The following ACSS1 variants were observed in gnomAD, a reference collection of about 807,000 sequenced individuals.
ACSS1 encodes acyl-CoA synthetase short chain family member 1.
A neutral mutation model predicts 75.3 loss-of-function variants in ACSS1; 42 were observed. That is an observed-to-expected ratio of 0.56 (90% CI 0.44 to 0.72). The LOEUF (loss-of-function observed/expected upper bound fraction) is 0.72, where lower values mean the gene tolerates loss of function less well. Ranked by LOEUF, ACSS1 falls within the 30% of genes least tolerant of loss-of-function variation. ACSS1 has a pLI of 0.00. For synonymous variants in ACSS1, 380 were observed against 376.8 expected, an observed-to-expected ratio of 1.01 and a Z score of -0.10; for missense variants, 782 against 935.7, an observed-to-expected ratio of 0.84 and a Z score of 2.14.
At chr20:25,039,194 G>A (rs1319848120) in intron 2 of ACSS1, among the ~76,000 whole-genome samples, 2 of 152,156 alleles carry the variant, frequency 1.3e-5, no homozygotes, top group Non-Finnish European at 2.9e-5. Flanking sequence ...TCCTGATGAG[G>A]AAATTGAGGC....
At chr20:25,012,468 G>T in intron 12 of ACSS1, 133 bp downstream of exon 12, 2 of 1,130,108 alleles carry the variant, frequency 1.8e-6, no homozygotes, top group Non-Finnish European at 1.3e-6. Flanking sequence ...CCACTTGAGA[G>T]AGAAGAACAC....
rs2088334447 is a variant in ACSS1, at chr20:25,007,758, C to T, written c.*4G>A. ...CCATCCCAAGAGCCCCACAAGGTGC[C>T]AGCTCACTTAGCAGCAGCCTGCTTG... On this transcript the variant is annotated 3_prime_UTR_variant, in exon 14 of 14. Transcript: ENST00000323482. The T allele has an allele frequency of 1.2e-6, 2 of 1,613,628 alleles. No homozygotes were observed. The highest frequency in any genetic ancestry group is 8.5e-7 in the Non-Finnish European group (1 of 1,179,792).
intron 8 of ACSS1, among the ~76,000 whole-genome samples, chr20:25,014,375 C>CTGCTTCT (rs1555849988): frequency 3.6e-4 from 55 of 152,218 alleles, no homozygotes; most frequent in South Asian, 6.2e-4. Context: ...CACATGAAGA[C>CTGCTTCT]GGAGAAAAAG....
chr20:25,022,804 G>C (rs903944883), intron 5 of ACSS1, 136 bp downstream of exon 5: 55 of 1,250,992 alleles, frequency 4.4e-5, no homozygotes, highest in Non-Finnish European at 5.7e-5. Context: ...ACTCGAGGGG[G>C]CCCTGCCCCG....
intron 1 of ACSS1, among the ~76,000 whole-genome samples, chr20:25,054,660 A>G (rs2089219023): frequency 6.6e-6 from 1 of 152,256 alleles, no homozygotes; most frequent in Admixed American, 6.5e-5. Context: ...GCCAGCCTGC[A>G]AGTTGTCCCA....
chr20:25,015,369 C>T (rs2088498118), intron 7 of ACSS1, 139 bp from the exon 8 acceptor site: 2 of 662,626 alleles, frequency 3.0e-6, no homozygotes, highest in East Asian at 6.1e-5. Context: ...GATCTTGGCT[C>T]ATTGCAACCT....
intron 7 of ACSS1, among the ~76,000 whole-genome samples, chr20:25,015,552 C>G (rs1481365652): frequency 3.3e-5 from 5 of 152,178 alleles, no homozygotes; most frequent in Non-Finnish European, 5.9e-5. Flanking sequence ...CTGCCTTGGC[C>G]TCCCAAAGTG....
intron 2 of ACSS1, chr20:25,031,161 A>G (rs2088817494): frequency 3.0e-6 from 2 of 675,914 alleles, no homozygotes; most frequent in Admixed American, 2.3e-5. Context: ...CTATTGGCAG[A>G]GATTCACTGC....
At chr20:25,048,335 C>A (rs928458923) in intron 1 of ACSS1, among the ~76,000 whole-genome samples, 154 bp from the exon 2 acceptor site, 1 of 152,140 alleles carries the variant, frequency 6.6e-6, no homozygotes, top group Non-Finnish European at 1.5e-5. Context: ...GTTTCTACCC[C>A]CTTGCAAGGA....
At chr20:25,037,308 AC>A (rs1417627711) in intron 2 of ACSS1, among the ~76,000 whole-genome samples, 1 of 152,092 alleles carries the variant, frequency 6.6e-6, no homozygotes, top group African/African-American at 2.4e-5. Context: ...AGCGACACCC[AC>A]CCTGCAGACA....
chr20:25,037,743 C>T (rs141211882), intron 2 of ACSS1, among the ~76,000 whole-genome samples: 2,074 of 152,354 alleles, frequency 0.014, 35 homozygotes, highest in Non-Finnish European at 0.016. Flanking sequence ...GACCCCTTCT[C>T]ACGCAGGAGG....
intron 3 of ACSS1, 102 bp downstream of exon 3, chr20:25,030,657 T>G: frequency 1.5e-6 from 2 of 1,319,108 alleles, no homozygotes; most frequent in South Asian, 1.3e-5. Context: ...CTGTGTGACA[T>G]TAATGTCTGC....
At chr20:25,055,629 T>G (rs1600356135) in intron 1 of ACSS1, among the ~76,000 whole-genome samples, 1 of 152,330 alleles carries the variant, frequency 6.6e-6, no homozygotes, top group South Asian at 2.1e-4. Flanking sequence ...TGATTCCAGA[T>G]GTCCAGGATG....
At chr20:25,057,723 G>C (rs766181008) in intron 1 of ACSS1, 46 bp downstream of exon 1, 5 of 1,506,664 alleles carry the variant, frequency 3.3e-6, no homozygotes, top group Non-Finnish European at 4.5e-6. Flanking sequence ...AGTCCCCTCG[G>C]GACCCAAGAG....
intron 2 of ACSS1, chr20:25,032,309 T>A: frequency 7.8e-7 from 1 of 1,283,230 alleles, no homozygotes; most frequent in East Asian, 2.9e-5. Context: ...CCTGGTCCAG[T>A]CAGAGTCAAC....
At chr20:25,027,876 T>C (rs1164078600) in intron 3 of ACSS1, among the ~76,000 whole-genome samples, 1 of 151,796 alleles carries the variant, frequency 6.6e-6, no homozygotes, top group East Asian at 1.9e-4. Context: ...GTATAAATCC[T>C]AATGAATCCA....
chr20:25,019,516 T>C (rs1014483323), intron 7 of ACSS1, among the ~76,000 whole-genome samples: 3 of 152,196 alleles, frequency 2.0e-5, no homozygotes, highest in Non-Finnish European at 4.4e-5. Flanking sequence ...ACTGTAGTTA[T>C]ACTATTATTA....
intron 2 of ACSS1, among the ~76,000 whole-genome samples, chr20:25,045,216 C>T (rs138042963): frequency 6.6e-5 from 10 of 152,284 alleles, no homozygotes; most frequent in East Asian, 5.8e-4. Flanking sequence ...AAGTCACACC[C>T]GGGGAGATTA....
chr20:25,016,008 C>G (rs2088509484), intron 7 of ACSS1, among the ~76,000 whole-genome samples: 1 of 152,250 alleles, frequency 6.6e-6, no homozygotes, highest in African/African-American at 2.4e-5. Flanking sequence ...AGGGTGTCCT[C>G]AGCAGCTCTG....
Sources: gnomAD v4.1 joint callset for allele counts (sites outside exome capture counted in the v4.1 genomes callset) on GRCh38, gnomAD v4.1.1 for gene constraint, MANE v1.5 for transcripts, NCBI Gene and HGNC (gene_info 2026-07-23, HGNC 2026-07-21) for gene names.